DNAH14: variants seen among roughly 807,000 people sequenced by gnomAD.
DNAH14 encodes the protein axonemal beta dynein heavy chain 14.
DNAH14 carries 478 observed loss-of-function variants against 520.9 expected under a neutral mutation model. That is an observed-to-expected ratio of 0.92 (90% confidence interval 0.85 to 0.99). The LOEUF (loss-of-function observed/expected upper bound fraction) is 0.99. Ranked by LOEUF, DNAH14 falls within the 50% of genes least tolerant of loss-of-function variation. DNAH14 has a pLI of 0.00. For synonymous variants in DNAH14, 1,581 were observed against 1,757.2 expected (o/e 0.90, Z 2.51); for missense variants, 4,831 against 5,234.5 (o/e 0.92, Z 2.38).
At chr1:225,163,942 G>C (rs1847906) in intron 35 of DNAH14, among the ~76,000 whole-genome samples, 17,365 of 151,916 alleles carry the variant, frequency 0.11, 1,182 homozygotes, top group East Asian at 0.31. Flanking sequence ...CATGTATCAG[G>C]GTTTCCTATA....
At chr1:224,938,728 G>A (rs950915730) in intron 1 of DNAH14, among the ~76,000 whole-genome samples, 2 of 152,160 alleles carry the variant, frequency 1.3e-5, no homozygotes, top group African/African-American at 4.8e-5. Context: ...ATATCAAAGA[G>A]ATATCTGTAC....
Position 225,161,491 on chromosome 1 carries a change from C to T in DNAH14, c.5445+2006C>T, listed in dbSNP as rs34778535. On this transcript the variant is annotated intron_variant, in intron 35 of 85. Coordinates refer to ENST00000682510, the MANE Select transcript of DNAH14 (RefSeq NM_001367479.1). ...TGCAGCAAACATGCAGATATGTCTT[C>T]GATATCTGATTTTCTTTCTTTGGGG... Among the ~76,000 whole-genome samples the T allele has an allele frequency of 5.0e-3, 761 of 152,144 alleles. 6 individuals are homozygous for T. The highest frequency in any genetic ancestry group is 0.017 in the African/African-American group (716 of 41,500).
chr1:225,167,778 T>A (rs1437395819), intron 35 of DNAH14, among the ~76,000 whole-genome samples, 161 bp from the exon 36 acceptor site: 1 of 152,162 alleles, frequency 6.6e-6, no homozygotes, highest in African/African-American at 2.4e-5. Flanking sequence ...GTAGTAATAG[T>A]TTTTACTATT....
intron 8 of DNAH14, among the ~76,000 whole-genome samples, chr1:224,978,079 C>G (rs1040660365): frequency 5.9e-5 from 9 of 152,080 alleles, no homozygotes; most frequent in Admixed American, 5.9e-4. Context: ...TAAATTAGCA[C>G]AACCATATGG....
chr1:225,123,503 A>G (rs992769115), intron 26 of DNAH14, 24 bp from the exon 27 acceptor site: 3 of 409,014 alleles, frequency 7.3e-6, no homozygotes, highest in African/African-American at 6.2e-5. Context: ...TATAAATAAC[A>G]TAAATAAATT....
intron 27 of DNAH14, among the ~76,000 whole-genome samples, chr1:225,138,868 G>C (rs941762254): frequency 5.3e-5 from 8 of 152,152 alleles, no homozygotes; most frequent in African/African-American, 1.7e-4. Flanking sequence ...CGAGAACCTG[G>C]ATATTTCAGT....
rs1019835923 is a variant in DNAH14 at position 225,381,463 on chromosome 1, A to C, written c.12961A>C (p.Ile4321Leu). ...IKRFDKLLFV[I>L]HKSLKDLQLA... ...ACGATTTGATAAGTTATTATTTGTC[A>C]TACATAAATCCTTAAAAGATCTTCA... The change falls in exon 81 of 86, where the codon ATA becomes CTA. Residue 4321 changes from isoleucine (I) to leucine (L), a missense_variant. Physicochemically the swap from Ile to Leu is conservative, Grantham distance 5. Transcript: ENST00000682510. 2.6e-6 allele frequency: 4 copies of C among 1,550,532 alleles called. No homozygotes were observed. In the African/African-American group the frequency reaches 5.5e-5, roughly 21 times the overall value.
intron 43 of DNAH14, among the ~76,000 whole-genome samples, 198 bp downstream of exon 43, chr1:225,241,020 G>A (rs563748764): frequency 3.9e-5 from 6 of 152,200 alleles, no homozygotes; most frequent in South Asian, 2.1e-4. Context: ...TAGGTGCTAC[G>A]AAAACCTATA....
intron 60 of DNAH14, among the ~76,000 whole-genome samples, chr1:225,311,961 G>GT (rs1164528748): frequency 7.2e-5 from 11 of 151,910 alleles, no homozygotes; most frequent in African/African-American, 2.7e-4. Context: ...ATTTAGAGTA[G>GT]TTTTTTCTAA....
intron 2 of DNAH14, chr1:224,952,998 G>A: frequency 3.1e-6 from 1 of 320,564 alleles, no homozygotes; most frequent in Admixed American, 4.7e-5. Context: ...GACCAACCTT[G>A]GATATGCCAA....
intron 1 of DNAH14, among the ~76,000 whole-genome samples, chr1:224,937,416 C>T (rs2059113900): frequency 6.6e-6 from 1 of 151,824 alleles, no homozygotes; most frequent in African/African-American, 2.4e-5. Context: ...CAAAAGCAAA[C>T]AATCTGAAAA....
Position 225,117,776 on chromosome 1 carries a change from T to C in DNAH14, c.3960T>C (p.Pro1320=). 6.5e-7 allele frequency: 1 copy of C among 1,550,262 alleles called. No individual in the cohort carries two copies. Among genetic ancestry groups the C allele is most frequent in the Non-Finnish European group, 8.7e-7 (1 of 1,146,030 alleles). ...LLDILADSRN[P]ESVQPHLVKC... ...ATATTCTAGCTGATAGCAGAAATCCTGAGTCTGTACAGGTAATAACATCTT... is the reference window on the plus strand; with the variant it reads ...ATATTCTAGCTGATAGCAGAAATCCCGAGTCTGTACAGGTAATAACATCTT... The change falls in exon 24 of 86, where the codon CCT becomes CCC. Residue 1320 remains proline (P), a synonymous_variant. Transcript: ENST00000682510.
chr1:225,254,081 T>A (rs893112711), intron 44 of DNAH14, among the ~76,000 whole-genome samples: 2 of 152,040 alleles, frequency 1.3e-5, no homozygotes, highest in Non-Finnish European at 2.9e-5. Flanking sequence ...TTTTCTCCCC[T>A]TTCTTGCTCC....
chr1:224,969,114 CTT>C, intron 7 of DNAH14: 1 of 329,250 alleles, frequency 3.0e-6, no homozygotes, highest in Non-Finnish European at 5.6e-6. Context: ...TTACCTGTAA[CTT>C]ATGAGGAAAT....
chr1:225,378,887 A>AAAAAAAGAAAAG (rs2095741909), intron 79 of DNAH14, among the ~76,000 whole-genome samples: 3 of 151,328 alleles, frequency 2.0e-5, no homozygotes, highest in African/African-American at 7.3e-5. Flanking sequence ...CCCAAAAAAA[A>AAAAAAAGAAAAG]AAAAAGAAAA....
At chr1:225,021,358 G>C (rs2065677638) in intron 10 of DNAH14, among the ~76,000 whole-genome samples, 1 of 152,078 alleles carries the variant, frequency 6.6e-6, no homozygotes, top group Admixed American at 6.5e-5. Context: ...CAAACTATCT[G>C]TTTGTAGATG....
Position 225,037,935 on chromosome 1 carries a change from G to A in DNAH14, c.1359-759G>A, listed in dbSNP as rs141365254. ...TGACCTCAGGTGATCTGATCTGCCC[G>A]CCTCGGCCTCCCAAAGTGCTGGGAT... On this transcript the variant is annotated intron_variant, in intron 11 of 85. Coordinates refer to ENST00000682510, the MANE Select transcript of DNAH14 (RefSeq NM_001367479.1). Among the ~76,000 whole-genome samples, 783 of 152,170 alleles carry A rather than the reference G, an allele frequency of 5.1e-3. 6 individuals are homozygous for A. The highest frequency in any genetic ancestry group is 0.017 in the African/African-American group (722 of 41,532).
chr1:224,967,941 T>C (rs1439052114), intron 6 of DNAH14: 4 of 1,176,078 alleles, frequency 3.4e-6, no homozygotes, highest in African/African-American at 1.6e-5. Flanking sequence ...TCAGAAACTT[T>C]ATTGCCAGAT....
intron 1 of DNAH14, among the ~76,000 whole-genome samples, chr1:224,938,892 GA>G (rs1251257233): frequency 6.6e-6 from 1 of 152,138 alleles, no homozygotes; most frequent in Non-Finnish European, 1.5e-5. Flanking sequence ...AATGTGAATG[GA>G]ACTAGAGGCT....
Sources: allele counts gnomAD v4.1 joint callset (sites outside exome capture counted in the v4.1 genomes callset), GRCh38; gene constraint gnomAD v4.1.1; transcripts MANE v1.5; gene names NCBI Gene and HGNC (gene_info 2026-07-23, HGNC 2026-07-21).